SGCZ: variants seen among roughly 807,000 people sequenced by gnomAD.
SGCZ encodes zeta-sarcoglycan.
SGCZ carries 40 observed loss-of-function variants against 41.3 expected under a neutral mutation model. That is an observed-to-expected ratio of 0.97 (90% CI 0.75 to 1.26). The LOEUF (loss-of-function observed/expected upper bound fraction) is 1.26. Ranked by LOEUF, SGCZ falls within the 50% of genes most tolerant of loss-of-function variation. The probability of loss-of-function intolerance (pLI) is 0.00; values close to 1 mark genes in which losing one functional copy is unlikely to be tolerated. For missense variants in SGCZ, 552 were observed against 369.8 expected (o/e 1.49, Z -4.04); for synonymous variants, 206 against 137.5 (o/e 1.50, Z -3.49).
intron 2 of SGCZ, among the ~76,000 whole-genome samples, chr8:14,532,016 T>C (rs1046171929): frequency 6.6e-6 from 1 of 152,134 alleles, no homozygotes; most frequent in African/African-American, 2.4e-5. Context: ...AAGTAGTTGA[T>C]TTAATGGTTT....
At chr8:14,371,019 T>C (rs571053257) in intron 2 of SGCZ, among the ~76,000 whole-genome samples, 4 of 152,074 alleles carry the variant, frequency 2.6e-5, no homozygotes, top group Admixed American at 6.6e-5. Flanking sequence ...TAAGTTAGCA[T>C]TGAAAAAAGA....
chr8:14,341,511 G>T (rs1802705000), intron 2 of SGCZ, among the ~76,000 whole-genome samples: 1 of 152,074 alleles, frequency 6.6e-6, no homozygotes, highest in South Asian at 2.1e-4. Context: ...GAGCTAGCTA[G>T]GTTTGAAGTG....
At chr8:15,011,529 C>G (rs1802827164) in intron 1 of SGCZ, among the ~76,000 whole-genome samples, 1 of 152,170 alleles carries the variant, frequency 6.6e-6, no homozygotes, top group South Asian at 2.1e-4. Context: ...TTACCTCATT[C>G]ATAAGAACCT....
At chr8:14,767,149 C>T (rs1800062072) in intron 1 of SGCZ, among the ~76,000 whole-genome samples, 1 of 152,012 alleles carries the variant, frequency 6.6e-6, no homozygotes, top group African/African-American at 2.4e-5. Context: ...GCTTGCTTTG[C>T]CCAATGTGAT....
chr8:15,081,243 C>G (rs1043448264), intron 1 of SGCZ, among the ~76,000 whole-genome samples: 1 of 152,000 alleles, frequency 6.6e-6, no homozygotes, highest in Non-Finnish European at 1.5e-5. Context: ...AGCTTTTGTC[C>G]AATTTTTGTA....
intron 2 of SGCZ, among the ~76,000 whole-genome samples, chr8:14,509,853 G>A (rs954139147): frequency 1.3e-5 from 2 of 152,032 alleles, no homozygotes; most frequent in Non-Finnish European, 2.9e-5. Context: ...GGCAAAGTGG[G>A]GAAGAGCCCC....
chr8:15,180,580 G>GA lies in SGCZ; in HGVS notation c.39+57004_39+57005insT, dbSNP rs1800141724. On this transcript the variant is annotated intron_variant, in intron 1 of 7. Transcript: ENST00000382080. ...AATTTAGCACTGATACAAAGAACAA[G>GA]TTAAAAAAAAAAACAGAGGGAAAGG... 2.7e-5 allele frequency among the ~76,000 whole-genome samples: 4 copies of GA among 149,206 alleles called. No individual in the cohort carries two copies. The South Asian group carries it at 8.5e-4, about 32-fold the overall frequency.
intron 3 of SGCZ, among the ~76,000 whole-genome samples, chr8:14,276,707 A>AAATTCAAATTTGATGATTT (rs1482759981): frequency 1.3e-5 from 2 of 152,124 alleles, no homozygotes; most frequent in African/African-American, 4.8e-5. Context: ...ATTATTCTAA[A>AAATTCAAATTTGATGATTT]AATTCAAATT....
intron 1 of SGCZ, among the ~76,000 whole-genome samples, chr8:14,717,759 C>T (rs1182788912): frequency 6.6e-6 from 1 of 152,102 alleles, no homozygotes; most frequent in African/African-American, 2.4e-5. Context: ...GAATTCTAAT[C>T]ACAATTCTTC....
chr8:14,427,888 A>G (rs1799831077), intron 2 of SGCZ, among the ~76,000 whole-genome samples: 1 of 152,188 alleles, frequency 6.6e-6, no homozygotes, highest in Non-Finnish European at 1.5e-5. Context: ...AAAATAATGC[A>G]TTAAAAAACA....
chr8:14,536,711 C>T (rs1033235127), intron 2 of SGCZ, among the ~76,000 whole-genome samples: 1 of 151,730 alleles, frequency 6.6e-6, no homozygotes, highest in Admixed American at 6.6e-5. Flanking sequence ...TCTGTGTGTC[C>T]ATGTATAAGT....
chr8:15,075,740 T>C (rs941636505), intron 1 of SGCZ, among the ~76,000 whole-genome samples: 1 of 152,188 alleles, frequency 6.6e-6, no homozygotes, highest in Non-Finnish European at 1.5e-5. Context: ...GCCTTTAGTA[T>C]TACATGCCAA....
intron 3 of SGCZ, among the ~76,000 whole-genome samples, chr8:14,277,401 A>C (rs1800273458): frequency 6.6e-6 from 1 of 150,424 alleles, no homozygotes. Flanking sequence ...TATTTTTACA[A>C]CTCTACTCAG....
Position 15,023,928 on chromosome 8 carries a change from C to T in SGCZ, c.39+213657G>A, listed in dbSNP as rs555117872. ...AAAGTTTCCCAGTCGGCTTTAATGA[C>T]GTCATTTGCAACAGTTAAATAGAAG... On this transcript the variant is annotated intron_variant, in intron 1 of 7. Coordinates refer to ENST00000382080, the MANE Select transcript of SGCZ (RefSeq NM_139167.4). Among the ~76,000 whole-genome samples, 54 of 152,216 alleles carry T rather than the reference C, an allele frequency of 3.5e-4. 1 individual carries two copies. The highest frequency in any genetic ancestry group is 3.4e-4 in the Non-Finnish European group (23 of 68,026).
chr8:14,526,460 C>A (rs7011834), intron 2 of SGCZ, among the ~76,000 whole-genome samples: 103,343 of 151,932 alleles, frequency 0.68, 35,447 homozygotes, highest in South Asian at 0.81. Context: ...ATAAACATAC[C>A]TTTTAAAAAA....
chr8:14,187,287 G>A (rs545174452), intron 4 of SGCZ, among the ~76,000 whole-genome samples: 2 of 152,088 alleles, frequency 1.3e-5, no homozygotes, highest in African/African-American at 4.8e-5. Context: ...ATTTTCCAAT[G>A]TTCAACAAAA....
chr8:14,548,313 G>C (rs1381407), intron 2 of SGCZ, among the ~76,000 whole-genome samples: 1 of 152,028 alleles, frequency 6.6e-6, no homozygotes, highest in Admixed American at 6.6e-5. Context: ...GCAACATGAC[G>C]AATTCTTGCA....
At position 14,222,005 on chromosome 8, in the gene SGCZ, G is replaced by C. The variant is rs543225745; in HGVS notation, c.424+15587C>G. ...GAAGTGGGGTCTCAAACCCAGGAGA[G>C]ATTGGAATAAATGTATGCCAACAAC... On this transcript the variant is annotated intron_variant, in intron 4 of 7. Coordinates refer to ENST00000382080, the MANE Select transcript of SGCZ (RefSeq NM_139167.4). 3.3e-5 allele frequency among the ~76,000 whole-genome samples: 5 copies of C among 152,056 alleles called. No homozygotes were observed. In the South Asian group the frequency reaches 6.2e-4, roughly 19 times the overall value.
intron 1 of SGCZ, among the ~76,000 whole-genome samples, chr8:14,824,778 A>T (rs1477019586): frequency 6.6e-6 from 1 of 152,046 alleles, no homozygotes; most frequent in African/African-American, 2.4e-5. Flanking sequence ...CTTCTACATA[A>T]ACGCTTAAAT....
Sources: gnomAD v4.1 joint callset for allele counts (sites outside exome capture counted in the v4.1 genomes callset) on GRCh38, gnomAD v4.1.1 for gene constraint, MANE v1.5 for transcripts, NCBI Gene and HGNC (gene_info 2026-07-23, HGNC 2026-07-21) for gene names.